AK5: variants seen among roughly 807,000 people sequenced by gnomAD.
AK5 encodes the protein adenylate kinase 5.
AK5 carries 27 observed loss-of-function variants against 69.5 expected under a neutral mutation model. The observed-to-expected ratio is 0.39, with a 90% CI of 0.29 to 0.54. The LOEUF (loss-of-function observed/expected upper bound fraction) is 0.54, where lower values mean the gene tolerates loss of function less well. AK5 is among the 20% of genes least tolerant of loss of function. The pLI is 0.71. For missense variants in AK5, 531 were observed against 700.4 expected (o/e 0.76, Z 2.73); for synonymous variants, 260 against 244.4 (o/e 1.06, Z -0.60).
intron 10 of AK5, among the ~76,000 whole-genome samples, chr1:77,516,110 A>T (rs989284533): frequency 3.3e-5 from 5 of 152,210 alleles, no homozygotes; most frequent in Admixed American, 6.5e-5. Context: ...TGGGTAAAAA[A>T]ATGTGCTAGA....
intron 6 of AK5, among the ~76,000 whole-genome samples, chr1:77,387,466 A>T (rs1312426715): frequency 1.3e-5 from 2 of 152,234 alleles, no homozygotes; most frequent in Non-Finnish European, 2.9e-5. Context: ...AGCATGAGTT[A>T]ACCACTATTA....
intron 10 of AK5, among the ~76,000 whole-genome samples, chr1:77,502,996 G>T (rs1190041433): frequency 2.0e-5 from 3 of 152,228 alleles, no homozygotes; most frequent in African/African-American, 7.2e-5. Flanking sequence ...CAGCAGAGGA[G>T]ATGGTGTGTT....
intron 5 of AK5, among the ~76,000 whole-genome samples, chr1:77,321,991 A>C (rs1195014777): frequency 6.6e-6 from 1 of 152,208 alleles, no homozygotes; most frequent in East Asian, 1.9e-4. Flanking sequence ...ATTAGCAGCA[A>C]ATTTTTATGT....
chr1:77,404,817 A>G (rs1051378436), intron 6 of AK5, among the ~76,000 whole-genome samples: 2 of 152,216 alleles, frequency 1.3e-5, no homozygotes, highest in East Asian at 1.9e-4. Context: ...GGTCAGTTGA[A>G]GAATCCACAT....
At chr1:77,313,938 A>G (rs775060320) in intron 5 of AK5, 3 of 503,236 alleles carry the variant, frequency 6.0e-6, no homozygotes, top group South Asian at 1.5e-5. Flanking sequence ...TCTGCCTGCC[A>G]CATATCTTCC....
chr1:77,322,525 GT>G (rs1660589260), intron 5 of AK5, among the ~76,000 whole-genome samples: 1 of 152,118 alleles, frequency 6.6e-6, no homozygotes, highest in African/African-American at 2.4e-5. Context: ...GCTTTACCAT[GT>G]GGAGATTCTT....
intron 6 of AK5, among the ~76,000 whole-genome samples, chr1:77,350,091 A>G (rs1026849410): frequency 4.6e-5 from 7 of 152,242 alleles, no homozygotes; most frequent in African/African-American, 1.7e-4. Flanking sequence ...AAGGAATACA[A>G]AGATGATGTG....
intron 8 of AK5, among the ~76,000 whole-genome samples, chr1:77,481,985 A>T (rs1412102009): frequency 6.6e-6 from 1 of 152,242 alleles, no homozygotes; most frequent in Admixed American, 6.5e-5. Flanking sequence ...TACTGAGAAC[A>T]TTCTGTACTT....
At chr1:77,538,825 C>T (rs942213260) in intron 13 of AK5, among the ~76,000 whole-genome samples, 2 of 152,110 alleles carry the variant, frequency 1.3e-5, no homozygotes, top group African/African-American at 4.8e-5. Context: ...AATGACTGCT[C>T]GTGAGTACAG....
intron 13 of AK5, among the ~76,000 whole-genome samples, chr1:77,548,699 A>G (rs1197287115): frequency 6.6e-6 from 1 of 152,234 alleles, no homozygotes; most frequent in African/African-American, 2.4e-5. Context: ...CAACTGTTTT[A>G]TGATTTACAA....
chr1:77,382,133 A>T (rs996565205), intron 6 of AK5, among the ~76,000 whole-genome samples: 1 of 152,118 alleles, frequency 6.6e-6, no homozygotes, highest in African/African-American at 2.4e-5. Flanking sequence ...CTTTTTCTGC[A>T]TTAAAAATGA....
intron 7 of AK5, among the ~76,000 whole-genome samples, chr1:77,412,289 C>T (rs932637290): frequency 6.6e-6 from 1 of 152,128 alleles, no homozygotes; most frequent in Admixed American, 6.5e-5. Context: ...CCTGAGGACA[C>T]GTGCTGTGTC....
chr1:77,500,977 A>G (rs759133385), intron 10 of AK5, among the ~76,000 whole-genome samples: 2 of 152,172 alleles, frequency 1.3e-5, no homozygotes, highest in African/African-American at 2.4e-5. Flanking sequence ...GCAGTGTAGA[A>G]TTAACTGAAA....
intron 6 of AK5, among the ~76,000 whole-genome samples, chr1:77,357,911 G>T (rs1296322931): frequency 6.6e-6 from 1 of 152,022 alleles, no homozygotes; most frequent in African/African-American, 2.4e-5. Flanking sequence ...GGAAAATGGA[G>T]TCTGTTTACT....
At position 77,531,988 on chromosome 1, in the gene AK5, A is replaced by ATCCGGCCG. The variant is rs1491355348; in HGVS notation, c.1429-3858_1429-3851dup. On this transcript the variant is annotated intron_variant, in intron 12 of 13. Transcript: ENST00000354567. ...GCTAAGCCCCTCACTGCCTGCGGCC[A>ATCCGGCCG]TCCGGCCGGCCGGCCGGCCGCTCCG... 2.7e-4 allele frequency: 22 copies of ATCCGGCCG among 81,422 alleles called. No homozygotes were observed. The East Asian group carries it at 0.011, about 41-fold the overall frequency. 5.0% of individuals were successfully genotyped at this position (81,422 alleles called of 1,614,324 possible). A position where few individuals can be genotyped will look rare whatever the true frequency, so the allele number is the denominator to read the frequency against.
intron 5 of AK5, among the ~76,000 whole-genome samples, chr1:77,326,216 G>A (rs1006973313): frequency 2.0e-5 from 3 of 152,244 alleles, no homozygotes; most frequent in Admixed American, 6.5e-5. Context: ...CTAATGAATA[G>A]AGTGCAATAC....
At chr1:77,416,835 A>G (rs1650460357) in intron 7 of AK5, among the ~76,000 whole-genome samples, 1 of 152,182 alleles carries the variant, frequency 6.6e-6, no homozygotes, top group South Asian at 2.1e-4. Flanking sequence ...GTTTTTTCAC[A>G]GGATATATAA....
At chr1:77,452,309 T>C (rs1254638482) in intron 8 of AK5, among the ~76,000 whole-genome samples, 1 of 152,238 alleles carries the variant, frequency 6.6e-6, no homozygotes, top group Non-Finnish European at 1.5e-5. Flanking sequence ...GGCATATCTT[T>C]AATTTTCAAT....
intron 7 of AK5, among the ~76,000 whole-genome samples, chr1:77,416,880 G>A (rs970408121): frequency 6.6e-6 from 1 of 151,992 alleles, no homozygotes; most frequent in Non-Finnish European, 1.5e-5. Context: ...AGTCTTTCTG[G>A]GTAGTTAGAT....
Sources: allele counts gnomAD v4.1 joint callset (sites outside exome capture counted in the v4.1 genomes callset), GRCh38; gene constraint gnomAD v4.1.1; transcripts MANE v1.5; gene names NCBI Gene and HGNC (gene_info 2026-07-23, HGNC 2026-07-21).